The following ENPP3 variants were observed in gnomAD, a reference collection of about 807,000 sequenced individuals.
ENPP3 encodes the protein ectonucleotide pyrophosphatase/phosphodiesterase family member 3.
ENPP3 carries 104 observed loss-of-function variants against 117.8 expected under a neutral mutation model. That is an observed-to-expected ratio of 0.88 (90% confidence interval 0.75 to 1.04). The LOEUF is 1.04. Ranked by LOEUF, ENPP3 falls within the 50% of genes least tolerant of loss-of-function variation. ENPP3 has a pLI of 0.00. For missense variants in ENPP3, 1,026 were observed against 1,051.9 expected, an observed-to-expected ratio of 0.98 and a Z score of 0.34; for synonymous variants, 380 against 349.9, an observed-to-expected ratio of 1.09 and a Z score of -0.96.
intron 21 of ENPP3, 110 bp from the exon 22 acceptor site, chr6:131,737,245 G>C (rs1780415817): frequency 1.5e-6 from 1 of 668,288 alleles, no homozygotes. Context: ...CTACTTCTGT[G>C]CTTTGACTGT....
chr6:131,649,472 C>T (rs910413537), intron 2 of ENPP3, among the ~76,000 whole-genome samples: 2 of 152,160 alleles, frequency 1.3e-5, no homozygotes, highest in African/African-American at 4.8e-5. Flanking sequence ...TTTCCCAAGA[C>T]TCAATGGTGT....
intron 6 of ENPP3, among the ~76,000 whole-genome samples, chr6:131,661,267 T>C (rs191444992): frequency 7.0e-4 from 106 of 152,174 alleles, no homozygotes; most frequent in Non-Finnish European, 1.4e-3. Context: ...ATCATATACT[T>C]TTATTTTTAC....
intron 15 of ENPP3, among the ~76,000 whole-genome samples, chr6:131,701,634 A>T (rs1172266753): frequency 8.7e-5 from 13 of 149,288 alleles, no homozygotes; most frequent in African/African-American, 3.3e-4. Context: ...TAATCCCAGC[A>T]CTTTGGGAGG....
intron 17 of ENPP3, among the ~76,000 whole-genome samples, chr6:131,721,392 G>C (rs1780028951): frequency 6.6e-6 from 1 of 152,100 alleles, no homozygotes; most frequent in African/African-American, 2.4e-5. Flanking sequence ...TTACATTCTT[G>C]TTCCACATGG....
Position 131,737,994 on chromosome 6 carries a change from A to G in ENPP3, c.2168-37A>G, listed in dbSNP as rs561337865. Reference sequence around the variant, plus strand: ...AGAAAATAGTGTCATATTTCACTGAAGTGGACATTTTAAACACTTTATGAT... The same window carrying G: ...AGAAAATAGTGTCATATTTCACTGAGGTGGACATTTTAAACACTTTATGAT... On this transcript the variant is annotated intron_variant, in intron 22 of 24. Coordinates refer to ENST00000357639, the MANE Select transcript of ENPP3 (RefSeq NM_005021.5). The G allele has an allele frequency of 4.7e-5, 69 of 1,472,164 alleles. 4 individuals carry two copies. The South Asian group carries it at 8.4e-4, about 18-fold the overall frequency. The allele number at this position is 1,472,164 out of a possible 1,614,324, so 91.2% of individuals were successfully genotyped here.
intron 24 of ENPP3, among the ~76,000 whole-genome samples, chr6:131,744,263 T>A (rs966529926): frequency 3.3e-5 from 5 of 152,226 alleles, no homozygotes; most frequent in Non-Finnish European, 5.9e-5. Context: ...GTCATCTTTG[T>A]ACTGTAAAAT....
At chr6:131,683,817 C>G (rs1022640970) in intron 12 of ENPP3, among the ~76,000 whole-genome samples, 1 of 146,218 alleles carries the variant, frequency 6.8e-6, no homozygotes, top group African/African-American at 2.6e-5. Flanking sequence ...GTGGCCCGAT[C>G]TTGGCTCACT....
At chr6:131,640,497 A>G (rs1031301190) in intron 1 of ENPP3, among the ~76,000 whole-genome samples, 7 of 152,184 alleles carry the variant, frequency 4.6e-5, no homozygotes, top group African/African-American at 1.7e-4. Flanking sequence ...TTCCATTGTA[A>G]ACATTAGATG....
intron 22 of ENPP3, among the ~76,000 whole-genome samples, chr6:131,737,827 G>T (rs1780431855): frequency 2.0e-5 from 3 of 152,114 alleles, no homozygotes; most frequent in Admixed American, 2.0e-4. Context: ...GTAATTTCAA[G>T]ACAATAACTA....
At chr6:131,701,544 G>T in intron 15 of ENPP3, 1 of 284,846 alleles carries the variant, frequency 3.5e-6, no homozygotes, top group Non-Finnish European at 6.7e-6. Context: ...GTTTTTAAAT[G>T]AATGCTTCAA....
chr6:131,672,603 A>C (rs1327391823), intron 7 of ENPP3, among the ~76,000 whole-genome samples: 3 of 152,126 alleles, frequency 2.0e-5, no homozygotes, highest in Non-Finnish European at 4.4e-5. Flanking sequence ...TTCAGTAATC[A>C]TTAATTTAGT....
intron 22 of ENPP3, 34 bp downstream of exon 22, chr6:131,737,466 A>C: frequency 8.2e-7 from 1 of 1,214,396 alleles, no homozygotes; most frequent in South Asian, 1.3e-5. Flanking sequence ...ATTTTAAAAT[A>C]GTTAAGTGAC....
intron 6 of ENPP3, among the ~76,000 whole-genome samples, chr6:131,665,960 C>G (rs1272436820): frequency 6.6e-6 from 1 of 151,654 alleles, no homozygotes; most frequent in African/African-American, 2.4e-5. Context: ...CTTCTTTGAC[C>G]CATTGGTTGT....
At chr6:131,665,069 G>A (rs1232576646) in intron 6 of ENPP3, among the ~76,000 whole-genome samples, 4 of 152,094 alleles carry the variant, frequency 2.6e-5, no homozygotes, top group Non-Finnish European at 4.4e-5. Flanking sequence ...ATTTTCATGT[G>A]TTGAACCATC....
intron 24 of ENPP3, among the ~76,000 whole-genome samples, chr6:131,741,060 A>G (rs1780518543): frequency 6.6e-6 from 1 of 152,174 alleles, no homozygotes; most frequent in Non-Finnish European, 1.5e-5. Flanking sequence ...ACACACACAC[A>G]CAGTGCAAGT....
At chr6:131,684,041 G>A (rs1203677998) in intron 12 of ENPP3, among the ~76,000 whole-genome samples, 9 of 152,188 alleles carry the variant, frequency 5.9e-5, no homozygotes, top group East Asian at 5.8e-4. Context: ...GTGCGCCACC[G>A]GGCCTGTCCT....
chr6:131,697,522 A>G (rs887535345), intron 15 of ENPP3, among the ~76,000 whole-genome samples: 5 of 151,920 alleles, frequency 3.3e-5, no homozygotes, highest in African/African-American at 1.2e-4. Context: ...TAGATAATGA[A>G]ATAATTATAC....
chr6:131,733,736 C>G lies in ENPP3; in HGVS notation c.2089+13C>G. ...CTCTATCCTCCTGGTTAGTAGAACTCTTTTTTAGAGCAGTAGCTTAGAAAG... is the reference window on the plus strand; with the variant it reads ...CTCTATCCTCCTGGTTAGTAGAACTGTTTTTTAGAGCAGTAGCTTAGAAAG... On this transcript the variant is annotated intron_variant, in intron 21 of 24. Transcript: ENST00000357639. 6.2e-7 allele frequency: 1 copy of G among 1,612,836 alleles called. No homozygotes were observed. Among genetic ancestry groups the G allele is most frequent in the East Asian group, 2.2e-5 (1 of 44,826 alleles).
At chr6:131,693,397 T>C in intron 14 of ENPP3, 100 bp from the exon 15 acceptor site, 4 of 1,054,468 alleles carry the variant, frequency 3.8e-6, no homozygotes, top group Non-Finnish European at 5.5e-6. Flanking sequence ...GAAATCCCCT[T>C]ACTTTTAAAA....
Sources: gnomAD v4.1 joint callset for allele counts (sites outside exome capture counted in the v4.1 genomes callset) on GRCh38, gnomAD v4.1.1 for gene constraint, MANE v1.5 for transcripts, NCBI Gene and HGNC (gene_info 2026-07-23, HGNC 2026-07-21) for gene names.